The following SOX6 variants were observed in gnomAD, a reference collection of about 807,000 sequenced individuals.
SOX6 encodes the protein SRY-box transcription factor 6, also known as transcription factor SOX-6.
A neutral mutation model predicts 97.8 loss-of-function variants in SOX6; 11 were observed. The observed-to-expected ratio is 0.11, with a 90% CI of 0.07 to 0.19. SOX6 has a LOEUF of 0.19. Among genes scored for constraint, SOX6 ranks in the 10% least tolerant of loss-of-function variants. The pLI is 1.00. For missense variants in SOX6, 810 were observed against 1,039.5 expected, an observed-to-expected ratio of 0.78 and a Z score of 3.04; for synonymous variants, 360 against 371.4, an observed-to-expected ratio of 0.97 and a Z score of 0.35.
At chr11:16,391,374 A>G (rs1293160028) in intron 1 of SOX6, among the ~76,000 whole-genome samples, 1 of 152,128 alleles carries the variant, frequency 6.6e-6, no homozygotes, top group Non-Finnish European at 1.5e-5. Flanking sequence ...CTACTCATCT[A>G]GTTGTTCCCA....
chr11:16,482,291 C>T (rs902933778), intron 4 of SOX6, among the ~76,000 whole-genome samples: 8 of 152,070 alleles, frequency 5.3e-5, no homozygotes, highest in Middle Eastern at 3.2e-3. Context: ...AAAATCAAAT[C>T]GCCTTTAAAT....
chr11:16,482,964 C>A (rs1181400448), intron 4 of SOX6, among the ~76,000 whole-genome samples: 2 of 152,188 alleles, frequency 1.3e-5, no homozygotes, highest in African/African-American at 4.8e-5. Flanking sequence ...TTAATGTGTG[C>A]TAAGGCACCA....
At chr11:16,646,571 C>G (rs1036282837) in intron 3 of SOX6, among the ~76,000 whole-genome samples, 11 of 151,704 alleles carry the variant, frequency 7.3e-5, no homozygotes, top group Non-Finnish European at 1.2e-4. Flanking sequence ...GTGTACCCAT[C>G]ATCTGAGGAG....
intron 2 of SOX6, among the ~76,000 whole-genome samples, chr11:16,717,317 C>A (rs867741476): frequency 5.4e-4 from 82 of 152,122 alleles, no homozygotes; most frequent in Admixed American, 3.9e-4. Context: ...AGTAATGAGA[C>A]TAAAATTTAG....
intron 4 of SOX6, among the ~76,000 whole-genome samples, chr11:16,516,555 C>T (rs1264808909): frequency 2.0e-4 from 31 of 152,106 alleles, no homozygotes; most frequent in African/African-American, 3.6e-4. Flanking sequence ...AACACCTCTA[C>T]GCAAACAAAC....
At chr11:16,639,978 G>C (rs1416341653) in intron 3 of SOX6, among the ~76,000 whole-genome samples, 3 of 152,100 alleles carry the variant, frequency 2.0e-5, no homozygotes, top group Admixed American at 6.6e-5. Context: ...GGGCATCCCT[G>C]TCTTGTGCCA....
intron 6 of SOX6, among the ~76,000 whole-genome samples, chr11:16,127,520 T>A (rs1402688899): frequency 6.6e-6 from 1 of 152,114 alleles, no homozygotes; most frequent in African/African-American, 2.4e-5. Context: ...CTCAAACTTG[T>A]CAAAAATGTT....
chr11:16,718,934 C>A (rs2134052245), intron 2 of SOX6, among the ~76,000 whole-genome samples: 2 of 145,824 alleles, frequency 1.4e-5, no homozygotes, highest in Middle Eastern at 3.5e-3. Flanking sequence ...GAGTTGGAGA[C>A]CAGCCTGGGC....
At chr11:16,106,860 T>A (rs1849100432) in intron 7 of SOX6, among the ~76,000 whole-genome samples, 1 of 152,040 alleles carries the variant, frequency 6.6e-6, no homozygotes, top group Non-Finnish European at 1.5e-5. Flanking sequence ...AAGGTATTAA[T>A]ATCCACAATA....
At chr11:16,246,810 G>A (rs888215169) in intron 3 of SOX6, among the ~76,000 whole-genome samples, 1 of 151,826 alleles carries the variant, frequency 6.6e-6, no homozygotes, top group Non-Finnish European at 1.5e-5. Flanking sequence ...TATATTTACA[G>A]GTACATGTGA....
intron 3 of SOX6, among the ~76,000 whole-genome samples, chr11:16,684,052 A>C (rs1847949731): frequency 6.6e-6 from 1 of 152,230 alleles, no homozygotes; most frequent in Non-Finnish European, 1.5e-5. Flanking sequence ...ATCTCACACC[A>C]GTTAGAATGG....
chr11:16,002,833 T>G (rs1416564718), intron 13 of SOX6, among the ~76,000 whole-genome samples: 1 of 152,178 alleles, frequency 6.6e-6, no homozygotes, highest in Non-Finnish European at 1.5e-5. Context: ...TACATGAAAT[T>G]AAGAAGTGCA....
rs540486797 is a variant in SOX6 at position 16,043,867 on chromosome 11, T to C, written c.1623+2647A>G. 1.3e-4 allele frequency among the ~76,000 whole-genome samples: 20 copies of C among 152,186 alleles called. 1 individual carries two copies. The highest frequency in any genetic ancestry group is 1.3e-3 in the Admixed American group (20 of 15,270). On this transcript the variant is annotated intron_variant, in intron 12 of 15. Coordinates refer to ENST00000683767, the MANE Select transcript of SOX6 (RefSeq NM_001367873.1). ...TCACCTCACTCAAGGTCATGTCCTC[T>C]TCCCATGGCGTCACTTATCCAATGA... is the stretch of plus-strand genomic sequence containing the variant.
chr11:16,706,872 C>T (rs527938437), intron 3 of SOX6, among the ~76,000 whole-genome samples: 2 of 152,112 alleles, frequency 1.3e-5, no homozygotes, highest in South Asian at 4.1e-4. Context: ...ATTCTCCTAT[C>T]TGCACATTGA....
At chr11:15,973,154 T>A (rs188508431) in intron 15 of SOX6, 42 bp from the exon 16 acceptor site, 60 of 1,592,836 alleles carry the variant, frequency 3.8e-5, no homozygotes, top group Middle Eastern at 3.9e-4. Context: ...GGGAGAAATA[T>A]CTATATATGT....
chr11:16,058,273 T>C (rs1847867018), intron 9 of SOX6, among the ~76,000 whole-genome samples: 1 of 152,128 alleles, frequency 6.6e-6, no homozygotes, highest in African/African-American at 2.4e-5. Flanking sequence ...TTGCTTCTTT[T>C]TATAGCATCC....
At chr11:16,305,110 A>G (rs564816451) in intron 3 of SOX6, among the ~76,000 whole-genome samples, 1 of 152,312 alleles carries the variant, frequency 6.6e-6, no homozygotes, top group East Asian at 1.9e-4. Context: ...GTGAAAGCCC[A>G]TGTAAAGAGG....
intron 4 of SOX6, among the ~76,000 whole-genome samples, chr11:16,529,693 G>A (rs1590234728): frequency 6.6e-6 from 1 of 151,994 alleles, no homozygotes; most frequent in African/African-American, 2.4e-5. Flanking sequence ...TATTAAACAA[G>A]AATGGAATTA....
intron 9 of SOX6, among the ~76,000 whole-genome samples, chr11:16,092,587 A>T (rs1291776652): frequency 6.6e-6 from 1 of 151,972 alleles, no homozygotes; most frequent in African/African-American, 2.4e-5. Context: ...ATGCTGACAC[A>T]TGGAGATATT....
Sources: gnomAD v4.1 joint callset for allele counts (sites outside exome capture counted in the v4.1 genomes callset) on GRCh38, gnomAD v4.1.1 for gene constraint, MANE v1.5 for transcripts, NCBI Gene and HGNC (gene_info 2026-07-23, HGNC 2026-07-21) for gene names.